The following TSC2 variants were observed in gnomAD, a reference collection of about 807,000 sequenced individuals.
The protein encoded by TSC2 is tuberin.
TSC2 carries 29 observed loss-of-function variants against 202.2 expected under a neutral mutation model. That is an observed-to-expected ratio of 0.14 (90% confidence interval 0.11 to 0.20). TSC2 has a LOEUF of 0.20. Ranked by LOEUF, TSC2 falls within the 10% of genes least tolerant of loss-of-function variation. TSC2 has a pLI of 1.00. For synonymous variants in TSC2, 1,349 were observed against 1,044.0 expected (o/e 1.29, Z -5.63); for missense variants, 2,429 against 2,420.0 (o/e 1.00, Z -0.08).
rs922114187 is a variant in TSC2, at chr16:2,077,475, C to T, written c.2838-123C>T. 38 of 1,460,624 alleles carry T rather than the reference C, an allele frequency of 2.6e-5. No homozygotes were observed. The highest frequency in any genetic ancestry group is 2.4e-4 in the Middle Eastern group (1 of 4,160). The allele number at this position is 1,460,624 out of a possible 1,614,324, so 90.5% of individuals were successfully genotyped here. ...TGGCTCTTTTTGCTCATCTCACCCG[C>T]GGGATCTCTCCATCCTGACCCTGTG... is the stretch of plus-strand genomic sequence containing the variant. On this transcript the variant is annotated intron_variant, in intron 25 of 41. Transcript: ENST00000219476.
At chr16:2,064,553 T>G (rs1346287892) in intron 15 of TSC2, 126 bp downstream of exon 15, 4 of 1,436,542 alleles carry the variant, frequency 2.8e-6, no homozygotes, top group Non-Finnish European at 3.8e-6. Context: ...GAGGCTCCCC[T>G]CCCTGCAGGG....
intron 7 of TSC2, 54 bp from the exon 8 acceptor site, chr16:2,056,590 C>T (rs2151076015): frequency 1.3e-6 from 2 of 1,599,476 alleles, no homozygotes; most frequent in Non-Finnish European, 1.7e-6. Context: ...GGTGTCCTCT[C>T]CTGTGGGGAG....
rs1800748 is a variant in TSC2, at chr16:2,058,754, A to T, written c.856A>T (p.Met286Leu). ...TCTGGGGAACACTTTTAGAGCCTACATGGAGGACGCGCCCCTGCTGAGAGG... is the reference window on the plus strand; with the variant it reads ...TCTGGGGAACACTTTTAGAGCCTACTTGGAGGACGCGCCCCTGCTGAGAGG... ...MCHLMEDRAY[M>L]EDAPLLRGAV... is the part of the protein sequence containing the mutation. The change falls in exon 10 of 42, where the codon ATG (methionine) becomes TTG (leucine). Residue 286 changes from methionine (M) to leucine (L), a missense_variant. Transcript: ENST00000219476. 1 of 1,582,982 alleles carries T rather than the reference A, an allele frequency of 6.3e-7. No homozygotes were observed. The highest frequency in any genetic ancestry group is 8.6e-7 in the Non-Finnish European group (1 of 1,164,130).
chr16:2,072,823 G>A lies in TSC2; in HGVS notation c.2221-26G>A, dbSNP rs540436860. ...CCCGTGACCTGGCCGCTGGGGAGAG[G>A]TTTCATGCCTGGATTTGGTCATCAG... is the stretch of plus-strand genomic sequence containing the variant. On this transcript the variant is annotated intron_variant, in intron 20 of 41. Coordinates refer to ENST00000219476, the MANE Select transcript of TSC2 (RefSeq NM_000548.5). The A allele has an allele frequency of 7.0e-5, 113 of 1,613,312 alleles. No individual in the cohort carries two copies. In the African/African-American group the frequency reaches 1.4e-3, roughly 20 times the overall value.
intron 31 of TSC2, chr16:2,082,140 C>T (rs1306876815): frequency 1.4e-5 from 8 of 591,116 alleles, no homozygotes; most frequent in Admixed American, 6.0e-5. Context: ...AGCCCGCCTG[C>T]GCACTCTGGG....
Position 2,088,879 on chromosome 16 carries a change from G to A in TSC2, c.*269G>A, listed in dbSNP as rs946916774. The A allele has an allele frequency of 1.7e-4, 79 of 469,712 alleles. 1 individual carries two copies. Among genetic ancestry groups the A allele is most frequent in the African/African-American group, 1.4e-3 (42 of 31,106 alleles). 29.1% of individuals were successfully genotyped at this position (469,712 alleles called of 1,614,324 possible). ...ATACAGCACACTCGCGCGTGCGCGC[G>A]CGCACACACACACACACACAGTCAC... On this transcript the variant is annotated 3_prime_UTR_variant, in exon 42 of 42. Coordinates refer to ENST00000219476, the MANE Select transcript of TSC2 (RefSeq NM_000548.5).
rs45517368 is a variant in TSC2 at position 2,086,309 on chromosome 16, C to T, written c.4779C>T (p.Tyr1593=). 5 of 1,612,926 alleles carry T rather than the reference C, an allele frequency of 3.1e-6. No homozygotes were observed. The highest frequency in any genetic ancestry group is 4.5e-5 in the East Asian group (2 of 44,878). The change falls in exon 37 of 42, where the codon TAC becomes TAT. Residue 1593 remains tyrosine (Y), a synonymous_variant. Transcript: ENST00000219476. ...ELKDCQPDKV[Y]LGGLDVCGED... ...AGGACTGCCAGCCGGACAAGGTGTA[C>T]CTGGGAGGCCTGGACGTGTGTGGTG...
chr16:2,088,873 G>GCA lies in TSC2; in HGVS notation c.*264_*265insAC, dbSNP rs1491271779. 12 of 476,646 alleles carry GCA rather than the reference G, an allele frequency of 2.5e-5. No homozygotes were observed. The highest frequency in any genetic ancestry group is 7.4e-5 in the Admixed American group (2 of 26,942). The allele number at this position is 476,646 out of a possible 1,614,324, so 29.5% of individuals were successfully genotyped here. ...TGGGCCATACAGCACACTCGCGCGT[G>GCA]CGCGCGCGCACACACACACACACAC... On this transcript the variant is annotated 3_prime_UTR_variant, in exon 42 of 42. Transcript: ENST00000219476.
chr16:2,051,429 A>G (rs1326584490), intron 3 of TSC2, among the ~76,000 whole-genome samples: 1 of 152,166 alleles, frequency 6.6e-6, no homozygotes, highest in Admixed American at 6.5e-5. Flanking sequence ...TTTGTTCCAC[A>G]GAGAACAATC....
chr16:2,054,346 T>A lies in TSC2; in HGVS notation c.387T>A (p.Asp129Glu), dbSNP rs1202650869. The A allele has an allele frequency of 6.2e-7, 1 of 1,614,196 alleles. No homozygotes were observed. Among genetic ancestry groups the A allele is most frequent in the Admixed American group, 1.7e-5 (1 of 60,024 alleles). Residue 129 changes from aspartate to glutamate, a missense_variant, in exon 5 of 42, where the codon GAT becomes GAA. Transcript: ENST00000219476. ...CCCTCTTCTTTAAGGTCATCAAGGA[T>A]TACCCTTCCAACGAAGACCTTCACG... ...LRALFFKVIK[D>E]YPSNEDLHER...
chr16:2,056,113 G>A (rs746362554), intron 6 of TSC2, 83 bp from the exon 7 acceptor site: 31 of 1,578,732 alleles, frequency 2.0e-5, no homozygotes, highest in Non-Finnish European at 2.6e-5. Flanking sequence ...TGTTATTGAC[G>A]TCATAGAGTG....
At position 2,082,224 on chromosome 16, in the gene TSC2, C is replaced by T. The variant is rs1034676031; in HGVS notation, c.3815-212C>T. On this transcript the variant is annotated intron_variant, in intron 31 of 41. Transcript: ENST00000219476. ...CCCTGTGGCTGCAGATGGCACTTAG[C>T]GGCCTAGGACGTCTATTCACGGGAG... is the stretch of plus-strand genomic sequence containing the variant. 161 of 614,330 alleles carry T rather than the reference C, an allele frequency of 2.6e-4. 1 individual carries two copies. The highest frequency in any genetic ancestry group is 2.6e-3 in the African/African-American group (139 of 54,122). The allele number at this position is 614,330 out of a possible 1,614,324, so 38.1% of individuals were successfully genotyped here. A position where few individuals can be genotyped will look rare whatever the true frequency, so the allele number is the denominator to read the frequency against.
chr16:2,067,858 G>A (rs897640249), intron 16 of TSC2, among the ~76,000 whole-genome samples: 1 of 152,166 alleles, frequency 6.6e-6, no homozygotes, highest in African/African-American at 2.4e-5. Context: ...GTTGGGAAGG[G>A]GTGTGCTGGG....
intron 21 of TSC2, 88 bp from the exon 22 acceptor site, chr16:2,074,111 TC>T (rs2088895616): frequency 6.4e-7 from 1 of 1,551,240 alleles, no homozygotes. Context: ...TCGGCTGTTC[TC>T]CCGGTGGAGC....
intron 16 of TSC2, among the ~76,000 whole-genome samples, chr16:2,067,152 GA>G (rs1321796683): frequency 6.6e-6 from 1 of 150,886 alleles, no homozygotes; most frequent in Non-Finnish European, 1.5e-5. Flanking sequence ...AAGTGGTGAT[GA>G]TTTTTTTTTT....
At chr16:2,068,281 C>T (rs865988980) in intron 16 of TSC2, among the ~76,000 whole-genome samples, 1 of 152,166 alleles carries the variant, frequency 6.6e-6, no homozygotes, top group African/African-American at 2.4e-5. Context: ...CTCAAGTGAT[C>T]CACCCACCCC....
chr16:2,080,708 T>A (rs891607323), intron 30 of TSC2: 1 of 312,828 alleles, frequency 3.2e-6, no homozygotes, highest in Non-Finnish European at 6.1e-6. Context: ...ATGGTCTCAA[T>A]CTCCTGACCT....
intron 17 of TSC2, chr16:2,071,266 G>A (rs1041980796): frequency 1.2e-5 from 7 of 585,400 alleles, no homozygotes; most frequent in Non-Finnish European, 2.2e-5. Context: ...GGGCCCAGCT[G>A]TGGTGGTGGG....
intron 1 of TSC2, chr16:2,048,293 C>G: frequency 9.0e-7 from 1 of 1,117,308 alleles, no homozygotes; most frequent in East Asian, 2.6e-5. Flanking sequence ...AGACGGCAAA[C>G]GTCGGGGCTC....
Sources: gnomAD v4.1 joint callset for allele counts (sites outside exome capture counted in the v4.1 genomes callset) on GRCh38, gnomAD v4.1.1 for gene constraint, MANE v1.5 for transcripts, NCBI Gene and HGNC (gene_info 2026-07-23, HGNC 2026-07-21) for gene names.